The following ARID1B variants were observed in gnomAD, a reference collection of about 807,000 sequenced individuals.
The protein encoded by ARID1B is AT-rich interaction domain 1B.
A neutral mutation model predicts 212.3 loss-of-function variants in ARID1B; 30 were observed. That is an observed-to-expected ratio of 0.14 (90% confidence interval 0.11 to 0.19). The LOEUF is 0.19. Among genes scored for constraint, ARID1B ranks in the 10% least tolerant of loss-of-function variants. The pLI, the probability that ARID1B is intolerant of heterozygous loss-of-function variation, is 1.00. For missense variants in ARID1B, 2,891 were observed against 3,204.0 expected (o/e 0.90, Z 2.36); for synonymous variants, 1,402 against 1,301.7 (o/e 1.08, Z -1.66).
intron 3 of ARID1B, among the ~76,000 whole-genome samples, chr6:156,911,338 GTTTT>G (rs57374747): frequency 0.022 from 2,327 of 105,390 alleles, 54 homozygotes; most frequent in African/African-American, 0.072. Context: ...TAAATAATTA[GTTTT>G]TTTTTTTTTT....
intron 4 of ARID1B, among the ~76,000 whole-genome samples, chr6:157,061,595 C>A (rs926387082): frequency 4.6e-5 from 7 of 151,992 alleles, no homozygotes; most frequent in African/African-American, 1.7e-4. Flanking sequence ...AAAGATTGCC[C>A]AGTTATAGTT....
At chr6:156,919,356 C>T (rs1790601492) in intron 3 of ARID1B, among the ~76,000 whole-genome samples, 1 of 151,654 alleles carries the variant, frequency 6.6e-6, no homozygotes, top group African/African-American at 2.4e-5. Flanking sequence ...GCTATGTATT[C>T]ATTTTCATAT....
At chr6:157,053,196 G>A (rs576973517) in intron 4 of ARID1B, among the ~76,000 whole-genome samples, 4 of 149,706 alleles carry the variant, frequency 2.7e-5, no homozygotes, top group South Asian at 2.1e-4. Flanking sequence ...AGCAATTCTC[G>A]TGCCTCAGCC....
chr6:156,877,201 A>G (rs1457508055), intron 2 of ARID1B, among the ~76,000 whole-genome samples: 1 of 152,202 alleles, frequency 6.6e-6, no homozygotes, highest in Non-Finnish European at 1.5e-5. Flanking sequence ...TCTCCTGCTT[A>G]AAGTTCTTTA....
intron 2 of ARID1B, among the ~76,000 whole-genome samples, chr6:156,837,353 T>G (rs1783582034): frequency 6.6e-6 from 1 of 152,212 alleles, no homozygotes; most frequent in African/African-American, 2.4e-5. Flanking sequence ...TAAGTAGTTC[T>G]GAAAACAAGT....
intron 8 of ARID1B, among the ~76,000 whole-genome samples, chr6:157,163,331 C>T (rs1282530771): frequency 6.6e-6 from 1 of 152,142 alleles, no homozygotes; most frequent in Non-Finnish European, 1.5e-5. Flanking sequence ...GTTAGCAACA[C>T]CACGCTGAGC....
At chr6:157,016,778 T>A (rs6936043) in intron 4 of ARID1B, among the ~76,000 whole-genome samples, 1 of 152,054 alleles carries the variant, frequency 6.6e-6, no homozygotes, top group Non-Finnish European at 1.5e-5. Flanking sequence ...CTAATCTTTC[T>A]TAAATGTATG....
At chr6:157,187,963 G>A (rs749286430) in intron 13 of ARID1B, among the ~76,000 whole-genome samples, 1 of 152,156 alleles carries the variant, frequency 6.6e-6, no homozygotes, top group South Asian at 2.1e-4. Flanking sequence ...AACCATGTCT[G>A]CAGGATTATT....
intron 2 of ARID1B, among the ~76,000 whole-genome samples, chr6:156,858,112 A>G (rs1044168599): frequency 1.3e-5 from 2 of 152,190 alleles, no homozygotes; most frequent in African/African-American, 4.8e-5. Context: ...GTTACGTGTA[A>G]TAAGTCAGGC....
intron 1 of ARID1B, 42 bp from the exon 2 acceptor site, chr6:156,829,185 A>G: frequency 6.5e-7 from 1 of 1,531,978 alleles, no homozygotes. Flanking sequence ...CCTTTGTAAT[A>G]AAGAATGAAT....
intron 1 of ARID1B, among the ~76,000 whole-genome samples, chr6:156,786,325 C>T (rs1219104163): frequency 6.6e-6 from 1 of 152,056 alleles, no homozygotes; most frequent in African/African-American, 2.4e-5. Context: ...GTGCCTCCCC[C>T]TCATGTTTTT....
At chr6:156,945,439 A>G (rs1793045818) in intron 4 of ARID1B, among the ~76,000 whole-genome samples, 1 of 151,438 alleles carries the variant, frequency 6.6e-6, no homozygotes, top group Non-Finnish European at 1.5e-5. Flanking sequence ...AAAGCAGGCC[A>G]CAGTGAGCCT....
At chr6:156,828,273 A>G (rs1039624923) in intron 1 of ARID1B, among the ~76,000 whole-genome samples, 1 of 151,980 alleles carries the variant, frequency 6.6e-6, no homozygotes, top group Non-Finnish European at 1.5e-5. Flanking sequence ...TGTTGCCAGG[A>G]TGGTCTTGAA....
intron 6 of ARID1B, among the ~76,000 whole-genome samples, chr6:157,122,541 G>T (rs1005527241): frequency 6.6e-6 from 1 of 152,188 alleles, no homozygotes. Context: ...CAAGGGATTC[G>T]CCTCTTAGCA....
intron 4 of ARID1B, among the ~76,000 whole-genome samples, chr6:157,039,861 TC>T (rs1781728801): frequency 4.2e-5 from 5 of 119,408 alleles, no homozygotes; most frequent in East Asian, 4.6e-4. Context: ...TCTCTCTTTC[TC>T]TCTCTTTCTC....
rs1478614436 is a variant in ARID1B at position 156,778,099 on chromosome 6, C to G, written c.419C>G (p.Ser140Trp). 1 of 1,540,714 alleles carries G rather than the reference C, an allele frequency of 6.5e-7. No individual in the cohort carries two copies. The highest frequency in any genetic ancestry group is 8.7e-7 in the Non-Finnish European group (1 of 1,146,262). Residue 140 changes from serine to tryptophan, a missense_variant, in exon 1 of 20, where the codon TCG (serine) becomes TGG (tryptophan). By Grantham distance (177) the Ser-to-Trp change is radical. Transcript: ENST00000636930. Reference protein sequence around the residue: ...ASSSSSSGPGSAMETGLLPNH... With the variant: ...ASSSSSSGPGWAMETGLLPNH... ...TCTTCCTCCTCGTCGGGCCCGGGCT[C>G]GGCCATGGAGACGGGGCTGCTCCCC... is the stretch of plus-strand genomic sequence containing the variant.
At chr6:156,814,312 T>C (rs900894106) in intron 1 of ARID1B, among the ~76,000 whole-genome samples, 3 of 151,786 alleles carry the variant, frequency 2.0e-5, no homozygotes, top group African/African-American at 7.3e-5. Flanking sequence ...CTAGCTACTA[T>C]GGGGGCTGAG....
At chr6:157,021,139 G>A (rs1170737764) in intron 4 of ARID1B, among the ~76,000 whole-genome samples, 1 of 152,182 alleles carries the variant, frequency 6.6e-6, no homozygotes, top group Non-Finnish European at 1.5e-5. Context: ...TAGAGAGAGG[G>A]TGTGAAGGAC....
intron 2 of ARID1B, among the ~76,000 whole-genome samples, chr6:156,863,737 T>A (rs73790928): frequency 1.3e-5 from 2 of 152,182 alleles, no homozygotes; most frequent in Non-Finnish European, 2.9e-5. Flanking sequence ...GTTCTGTGTC[T>A]TGATTAATTG....
Sources: gnomAD v4.1 joint callset for allele counts (sites outside exome capture counted in the v4.1 genomes callset) on GRCh38, gnomAD v4.1.1 for gene constraint, MANE v1.5 for transcripts, NCBI Gene and HGNC (gene_info 2026-07-23, HGNC 2026-07-21) for gene names.